Variants in ATF6 observed in about 807,000 individuals in gnomAD.
The protein encoded by ATF6 is cyclic AMP-dependent transcription factor ATF-6 alpha.
A neutral mutation model predicts 83.6 loss-of-function variants in ATF6; 53 were observed. That is an observed-to-expected ratio of 0.63 (90% confidence interval 0.51 to 0.80). The LOEUF is 0.80. ATF6 is among the 30% of genes least tolerant of loss of function. The pLI, the probability that ATF6 is intolerant of heterozygous loss-of-function variation, is 0.00. For missense variants in ATF6, 744 were observed against 797.9 expected (o/e 0.93, Z 0.81); for synonymous variants, 288 against 285.8 (o/e 1.01, Z -0.08).
At chr1:161,879,644 A>T (rs181112824) in intron 14 of ATF6, among the ~76,000 whole-genome samples, 1 of 152,278 alleles carries the variant, frequency 6.6e-6, no homozygotes, top group Non-Finnish European at 1.5e-5. Context: ...TAAAGCTATT[A>T]CATAATAGCT....
At chr1:161,916,389 T>G (rs778962181) in intron 15 of ATF6, among the ~76,000 whole-genome samples, 8 of 152,226 alleles carry the variant, frequency 5.3e-5, no homozygotes, top group Non-Finnish European at 1.0e-4. Context: ...TATATCTATC[T>G]ATGTACACTC....
intron 15 of ATF6, among the ~76,000 whole-genome samples, chr1:161,947,013 A>G (rs925461918): frequency 6.6e-6 from 1 of 152,182 alleles, no homozygotes; most frequent in African/African-American, 2.4e-5. Flanking sequence ...GTATATGTGT[A>G]AGAATGACTG....
At chr1:161,782,209 G>A (rs748820567) in intron 3 of ATF6, among the ~76,000 whole-genome samples, 1 of 152,178 alleles carries the variant, frequency 6.6e-6, no homozygotes, top group Non-Finnish European at 1.5e-5. Flanking sequence ...TTTCAGTAGT[G>A]TAATGAATGA....
chr1:161,898,190 T>G (rs1687713693), intron 14 of ATF6, among the ~76,000 whole-genome samples: 1 of 152,350 alleles, frequency 6.6e-6, no homozygotes, highest in East Asian at 1.9e-4. Flanking sequence ...CTTAGAATGC[T>G]TACAGGAATG....
In ATF6 at chr1:161,947,810, C is replaced by CTTTTTTTTTT. The variant is rs10524670; in HGVS notation, c.1805-10614_1805-10605dup. On this transcript the variant is annotated intron_variant, in intron 15 of 15. Coordinates refer to ENST00000367942, the MANE Select transcript of ATF6 (RefSeq NM_007348.4). The stretch of plus-strand genomic sequence containing the variant: ...ATATTCCATAGTCCTTAAGCCACGC[C>CTTTTTTTTTT]TTTTTTTTTTTTTTTTTTTTTTTTT... Among the ~76,000 whole-genome samples, 107 of 57,582 alleles carry CTTTTTTTTTT rather than the reference C, an allele frequency of 1.9e-3. 15 individuals are homozygous for CTTTTTTTTTT. The highest frequency in any genetic ancestry group is 4.9e-3 in the East Asian group (7 of 1,440). The allele number at this position is 57,582 out of a possible 152,430, so 37.8% of individuals were successfully genotyped here. A position where few individuals can be genotyped will look rare whatever the true frequency, so the allele number is the denominator to read the frequency against.
chr1:161,908,321 A>G (rs1004932900), intron 14 of ATF6, among the ~76,000 whole-genome samples: 3 of 152,310 alleles, frequency 2.0e-5, no homozygotes, highest in South Asian at 2.1e-4. Context: ...GCCAGTCTCC[A>G]ATGCTTTTGT....
chr1:161,958,466 G>A lies in ATF6; in HGVS notation c.1825G>A (p.Asp609Asn). The change falls in exon 16 of 16, where the codon GAC (aspartate) becomes AAC (asparagine). Residue 609 changes from aspartate to asparagine, a missense_variant. Transcript: ENST00000367942. The stretch of plus-strand genomic sequence containing the variant: ...TGCAGAGAATGTGATCAATGGGCAG[G>A]ACTACGAAGTGATGATGCAGATTGA... ...NINENVINGQ[D>N]YEVMMQIDCQ... 6.2e-7 allele frequency: 1 copy of A among 1,609,288 alleles called. No homozygotes were observed. Among genetic ancestry groups the A allele is most frequent in the Non-Finnish European group, 8.5e-7 (1 of 1,177,332 alleles).
chr1:161,819,880 G>A, intron 8 of ATF6, 62 bp downstream of exon 8: 2 of 1,362,692 alleles, frequency 1.5e-6, no homozygotes, highest in Non-Finnish European at 9.8e-7. Context: ...TTAATAAATA[G>A]AGAAACTTTT....
intron 12 of ATF6, 77 bp downstream of exon 12, chr1:161,853,400 C>A: frequency 9.2e-7 from 1 of 1,086,922 alleles, no homozygotes; most frequent in East Asian, 2.6e-5. Flanking sequence ...ACTCTCTTCC[C>A]TAGAAGGTTG....
intron 14 of ATF6, among the ~76,000 whole-genome samples, chr1:161,882,501 T>C (rs540981815): frequency 8.9e-4 from 135 of 152,198 alleles, no homozygotes; most frequent in African/African-American, 3.2e-3. Context: ...CTAGAGTGAA[T>C]CTTTTAAAAC....
intron 7 of ATF6, among the ~76,000 whole-genome samples, chr1:161,807,588 G>A (rs1685320967): frequency 6.6e-6 from 1 of 152,182 alleles, no homozygotes; most frequent in Admixed American, 6.5e-5. Context: ...CTGCATTGTG[G>A]CTTTGCTGCT....
intron 12 of ATF6, among the ~76,000 whole-genome samples, chr1:161,858,030 A>G (rs1004763316): frequency 1.3e-5 from 2 of 152,116 alleles, no homozygotes; most frequent in African/African-American, 2.4e-5. Context: ...GCTTGAGTCC[A>G]GGAGTTTGAG....
At chr1:161,807,247 A>G (rs1685310113) in intron 7 of ATF6, among the ~76,000 whole-genome samples, 1 of 152,212 alleles carries the variant, frequency 6.6e-6, no homozygotes, top group Non-Finnish European at 1.5e-5. Flanking sequence ...AATGCATAGC[A>G]ACTCAGAAAA....
chr1:161,852,616 A>G (rs1156328076), intron 11 of ATF6, among the ~76,000 whole-genome samples: 1 of 151,822 alleles, frequency 6.6e-6, no homozygotes, highest in African/African-American at 2.4e-5. Context: ...GTTTTGTTTT[A>G]TTTTATTTTA....
rs1687912399 is a variant in ATF6, at chr1:161,908,081, G to C, written c.1720-4215G>C. On this transcript the variant is annotated intron_variant, in intron 14 of 15. Coordinates refer to ENST00000367942, the MANE Select transcript of ATF6 (RefSeq NM_007348.4). ...ACACAATTATACTAATACAATTAAT[G>C]AAAGTAGTCTTGAAAAAAGACACAA... is the stretch of plus-strand genomic sequence containing the variant. Among the ~76,000 whole-genome samples the C allele has an allele frequency of 3.3e-5, 5 of 152,058 alleles. No homozygotes were observed. In the South Asian group the frequency reaches 1.0e-3, roughly 31 times the overall value.
chr1:161,921,153 G>A (rs1338767250), intron 15 of ATF6, among the ~76,000 whole-genome samples: 1 of 152,174 alleles, frequency 6.6e-6, no homozygotes, highest in African/African-American at 2.4e-5. Flanking sequence ...AGCAGCAGCT[G>A]CTTGCTGCAG....
At chr1:161,950,044 A>G (rs991660025) in intron 15 of ATF6, among the ~76,000 whole-genome samples, 3 of 152,250 alleles carry the variant, frequency 2.0e-5, no homozygotes, top group Non-Finnish European at 2.9e-5. Flanking sequence ...TCAGATCTCA[A>G]TCATTTTAAC....
At chr1:161,956,329 A>G (rs1688965144) in intron 15 of ATF6, among the ~76,000 whole-genome samples, 2 of 152,168 alleles carry the variant, frequency 1.3e-5, no homozygotes, top group South Asian at 2.1e-4. Flanking sequence ...CAGTTTTTCT[A>G]AAATGGGGAG....
chr1:161,783,927 T>A, intron 3 of ATF6, 63 bp from the exon 4 acceptor site: 1 of 1,177,934 alleles, frequency 8.5e-7, no homozygotes, highest in South Asian at 1.3e-5. Flanking sequence ...ACCTTCTTTC[T>A]TGTTCATTTT....
Sources: gnomAD v4.1 joint callset for allele counts (sites outside exome capture counted in the v4.1 genomes callset) on GRCh38, gnomAD v4.1.1 for gene constraint, MANE v1.5 for transcripts, NCBI Gene and HGNC (gene_info 2026-07-23, HGNC 2026-07-21) for gene names.